Variants in GNAO1 observed in about 807,000 individuals in gnomAD.
GNAO1 encodes the protein G protein subunit alpha o1.
For synonymous variants in GNAO1, 164 were observed against 180.7 expected, an observed-to-expected ratio of 0.91 and a Z score of 0.74; for missense variants, 166 against 478.7, an observed-to-expected ratio of 0.35 and a Z score of 6.10.
chr16:56,317,690 G>A (rs1427202954), intron 3 of GNAO1, among the ~76,000 whole-genome samples: 2 of 152,112 alleles, frequency 1.3e-5, no homozygotes, highest in African/African-American at 4.8e-5. Flanking sequence ...AGGTATCCTG[G>A]GTAGGTGGTG....
chr16:56,283,203 C>T (rs1406243429), intron 3 of GNAO1, among the ~76,000 whole-genome samples: 2 of 152,210 alleles, frequency 1.3e-5, no homozygotes, highest in Admixed American at 1.3e-4. Flanking sequence ...TACCTAGGTG[C>T]CTGGAATTTC....
intron 3 of GNAO1, chr16:56,307,203 T>G (rs2143598071): frequency 6.6e-6 from 1 of 152,274 alleles, no homozygotes; most frequent in Non-Finnish European, 1.5e-5. Flanking sequence ...CGGGGACTTC[T>G]CCTGCCAGCC....
intron 2 of GNAO1, among the ~76,000 whole-genome samples, chr16:56,241,224 C>T (rs2036691231): frequency 6.6e-6 from 1 of 152,194 alleles, no homozygotes; most frequent in Non-Finnish European, 1.5e-5. Flanking sequence ...ATGCTGGGAG[C>T]CTGTGTTGTG....
chr16:56,310,407 T>A (rs1191378047), intron 3 of GNAO1, among the ~76,000 whole-genome samples: 1 of 152,220 alleles, frequency 6.6e-6, no homozygotes. Flanking sequence ...TGAGCACCTA[T>A]TATGTGCTAT....
intron 2 of GNAO1, among the ~76,000 whole-genome samples, chr16:56,207,434 C>T (rs189421369): frequency 3.9e-5 from 6 of 152,292 alleles, no homozygotes; most frequent in Non-Finnish European, 4.4e-5. Context: ...TCAGAGAAAA[C>T]ATGATTTATT....
chr16:56,280,657 T>G (rs2037105402), intron 3 of GNAO1, among the ~76,000 whole-genome samples: 1 of 151,910 alleles, frequency 6.6e-6, no homozygotes, highest in Non-Finnish European at 1.5e-5. Flanking sequence ...ACGAATAAGG[T>G]GCAAGGGGCT....
At chr16:56,340,016 C>T (rs1187965379) in intron 6 of GNAO1, among the ~76,000 whole-genome samples, 9 of 152,244 alleles carry the variant, frequency 5.9e-5, no homozygotes, top group African/African-American at 2.2e-4. Context: ...AATCCACAGG[C>T]CCAGGATGGC....
In GNAO1 at chr16:56,279,763, G is replaced by A. The variant is rs114001546; in HGVS notation, c.303+3691G>A. On this transcript the variant is annotated intron_variant, in intron 3 of 8. Coordinates refer to ENST00000262493, the MANE Select transcript of GNAO1 (RefSeq NM_020988.3). ...GTCCTTTGAGCAGCTCATGAAAGCC[G>A]CGAGCCTTCCCTCCAGAACAGGGGA... 9.8e-4 allele frequency among the ~76,000 whole-genome samples: 150 copies of A among 152,316 alleles called. 3 individuals are homozygous for A. The highest frequency in any genetic ancestry group is 3.4e-3 in the African/African-American group (141 of 41,580).
rs1290973531 is a variant in GNAO1, at chr16:56,280,118, TC to T, written c.303+4047del. Among the ~76,000 whole-genome samples the T allele has an allele frequency of 2.0e-5, 3 of 152,238 alleles. No homozygotes were observed. The East Asian group carries it at 5.8e-4, about 29-fold the overall frequency. ...CTGGTACTAAGCCACGTGTGAAGAT[TC>T]AAAGGCATGTGAGTTGGAGCCTTTA... On this transcript the variant is annotated intron_variant, in intron 3 of 8. Transcript: ENST00000262493.
chr16:56,271,748 C>A (rs188414579), intron 2 of GNAO1, among the ~76,000 whole-genome samples: 2 of 152,172 alleles, frequency 1.3e-5, no homozygotes, highest in Non-Finnish European at 2.9e-5. Flanking sequence ...CCACTGCGTC[C>A]GGTGGAAAAT....
At chr16:56,300,007 T>C (rs978544148) in intron 3 of GNAO1, among the ~76,000 whole-genome samples, 5 of 62,508 alleles carry the variant, frequency 8.0e-5, no homozygotes, top group African/African-American at 2.5e-4. Context: ...AGATTGGGGT[T>C]CGTGTGTGTG....
At chr16:56,261,767 C>T (rs569298983) in intron 2 of GNAO1, among the ~76,000 whole-genome samples, 1 of 152,260 alleles carries the variant, frequency 6.6e-6, no homozygotes, top group African/African-American at 2.4e-5. Context: ...TGGTGTAACC[C>T]TCAGAGCCCT....
intron 3 of GNAO1, among the ~76,000 whole-genome samples, chr16:56,315,935 T>C (rs529509277): frequency 6.6e-6 from 1 of 152,144 alleles, no homozygotes; most frequent in South Asian, 2.1e-4. Context: ...GGCGGGCACC[T>C]GTAATCCCAG....
chr16:56,318,564 C>T (rs1212490148), intron 3 of GNAO1, among the ~76,000 whole-genome samples: 1 of 152,166 alleles, frequency 6.6e-6, no homozygotes, highest in East Asian at 1.9e-4. Flanking sequence ...TTCCCTGCAA[C>T]TGGAGGACTG....
intron 2 of GNAO1, among the ~76,000 whole-genome samples, chr16:56,237,724 A>G (rs2036651977): frequency 6.6e-6 from 1 of 152,218 alleles, no homozygotes; most frequent in Non-Finnish European, 1.5e-5. Context: ...GAATCATTTC[A>G]TAACTTCTGA....
intron 6 of GNAO1, among the ~76,000 whole-genome samples, chr16:56,339,431 A>G (rs2037777272): frequency 6.6e-6 from 1 of 152,254 alleles, no homozygotes; most frequent in Non-Finnish European, 1.5e-5. Context: ...GCTAGAGGTC[A>G]GGTTCTAGGA....
chr16:56,310,402 A>G (rs1322448648), intron 3 of GNAO1, among the ~76,000 whole-genome samples: 2 of 152,244 alleles, frequency 1.3e-5, no homozygotes, highest in Non-Finnish European at 2.9e-5. Flanking sequence ...TTTATTGAGC[A>G]CCTATTATGT....
intron 3 of GNAO1, among the ~76,000 whole-genome samples, chr16:56,289,732 A>G (rs1009243165): frequency 2.0e-5 from 3 of 152,190 alleles, no homozygotes; most frequent in Non-Finnish European, 2.9e-5. Context: ...GCTGGCTGAC[A>G]GCACTGTTAC....
At chr16:56,272,968 A>G (rs2037031489) in intron 2 of GNAO1, among the ~76,000 whole-genome samples, 1 of 152,166 alleles carries the variant, frequency 6.6e-6, no homozygotes, top group South Asian at 2.1e-4. Context: ...AGGTCACCCA[A>G]AGGGTCCCAC....
Sources: allele counts gnomAD v4.1 joint callset (sites outside exome capture counted in the v4.1 genomes callset), GRCh38; gene constraint gnomAD v4.1.1; transcripts MANE v1.5; gene names NCBI Gene and HGNC (gene_info 2026-07-23, HGNC 2026-07-21).